NOL10: variants seen among roughly 807,000 people sequenced by gnomAD.
The protein encoded by NOL10 is nucleolar protein 10, also known as H_NH0074G24.1.
In NOL10, 58 loss-of-function variants were observed where a neutral mutation model predicts 103.5. That is an observed-to-expected ratio of 0.56 (90% confidence interval 0.45 to 0.70). The LOEUF (loss-of-function observed/expected upper bound fraction) is 0.70, where lower values mean the gene tolerates loss of function less well. Among genes scored for constraint, NOL10 ranks in the 30% least tolerant of loss-of-function variants. NOL10 has a pLI of 0.00. For missense variants in NOL10, 763 were observed against 807.3 expected (o/e 0.95, Z 0.67); for synonymous variants, 287 against 282.5 (o/e 1.02, Z -0.16).
At chr2:10,662,295 A>G (rs933280332) in intron 9 of NOL10, among the ~76,000 whole-genome samples, 25 of 152,196 alleles carry the variant, frequency 1.6e-4, no homozygotes, top group Non-Finnish European at 3.5e-4. Flanking sequence ...TTTAATCAAT[A>G]TCCTCAGGCT....
chr2:10,631,264 A>G (rs979595245), intron 13 of NOL10, among the ~76,000 whole-genome samples: 3 of 152,210 alleles, frequency 2.0e-5, no homozygotes, highest in African/African-American at 7.2e-5. Context: ...AGCTGGACCA[A>G]TCGTGGTCCT....
chr2:10,630,740 C>A (rs980742081), intron 13 of NOL10, among the ~76,000 whole-genome samples: 1 of 151,942 alleles, frequency 6.6e-6, no homozygotes, highest in South Asian at 2.1e-4. Context: ...AAAAAAAACC[C>A]AAAAACTTGC....
intron 13 of NOL10, among the ~76,000 whole-genome samples, chr2:10,644,119 G>A (rs971103323): frequency 7.2e-5 from 11 of 152,022 alleles, no homozygotes; most frequent in African/African-American, 1.7e-4. Flanking sequence ...GTGTGGTAGC[G>A]TACACCTGTA....
intron 13 of NOL10, among the ~76,000 whole-genome samples, chr2:10,607,972 T>C (rs532363407): frequency 6.6e-6 from 1 of 152,104 alleles, no homozygotes; most frequent in South Asian, 2.1e-4. Context: ...AAACTACAAT[T>C]CTAGACTATA....
chr2:10,687,825 T>C (rs1558363107), intron 1 of NOL10, among the ~76,000 whole-genome samples: 2 of 152,148 alleles, frequency 1.3e-5, no homozygotes, highest in Admixed American at 6.5e-5. Flanking sequence ...TGGTGGCACG[T>C]GCCTGTAGTC....
intron 17 of NOL10, chr2:10,591,011 G>A (rs745532238): frequency 6.6e-6 from 1 of 152,168 alleles, no homozygotes; most frequent in African/African-American, 2.4e-5. Context: ...CAAGATTGCA[G>A]GCAGTTGAGT....
At chr2:10,676,013 C>G in intron 3 of NOL10, 142 bp from the exon 4 acceptor site, 2 of 453,594 alleles carry the variant, frequency 4.4e-6, no homozygotes, top group Non-Finnish European at 7.9e-6. Context: ...AAAGCAGCCC[C>G]TCTCAAACAC....
chr2:10,671,752 C>A lies in NOL10; in HGVS notation c.328-62G>T, dbSNP rs530544328. Reference sequence around the variant, plus strand: ...TCTAGTTAGGTGTTTACTTCATTATCGCTAAAAAACTGGCAAACCAAGGAA... The same window carrying A: ...TCTAGTTAGGTGTTTACTTCATTATAGCTAAAAAACTGGCAAACCAAGGAA... On this transcript the variant is annotated intron_variant, in intron 5 of 20. Transcript: ENST00000381685. 134 of 1,306,596 alleles carry A rather than the reference C, an allele frequency of 1.0e-4. 1 individual carries two copies. The African/African-American group carries it at 1.8e-3, about 17-fold the overall frequency. 80.9% of individuals were successfully genotyped at this position (1,306,596 alleles called of 1,614,324 possible).
intron 16 of NOL10, among the ~76,000 whole-genome samples, chr2:10,601,597 A>G (rs1389065218): frequency 1.3e-5 from 2 of 152,132 alleles, no homozygotes; most frequent in East Asian, 3.9e-4. Context: ...GGCTCACTTT[A>G]GCCCTGAAGT....
In NOL10 at chr2:10,667,286, A is replaced by G. The variant is rs1336358515; in HGVS notation, c.531-8T>C. On this transcript the variant is annotated splice_region_variant and splice_polypyrimidine_tract_variant and intron_variant, in intron 7 of 20. Coordinates refer to ENST00000381685, the MANE Select transcript of NOL10 (RefSeq NM_024894.4). The stretch of plus-strand genomic sequence containing the variant: ...TCACAAACATTATTCTCCCTAACAC[A>G]GGAAAGCAGTAAGAAAGAATGAATT... 1.3e-6 allele frequency: 2 copies of G among 1,571,320 alleles called. No individual in the cohort carries two copies. The highest frequency in any genetic ancestry group is 1.7e-6 in the Non-Finnish European group (2 of 1,155,502).
chr2:10,578,964 C>A (rs1398500262), intron 19 of NOL10, among the ~76,000 whole-genome samples: 1 of 152,132 alleles, frequency 6.6e-6, no homozygotes, highest in Admixed American at 6.6e-5. Flanking sequence ...GGCTAAGAAA[C>A]CTGACTGAAG....
intron 13 of NOL10, among the ~76,000 whole-genome samples, chr2:10,619,136 T>G (rs1676989819): frequency 6.6e-6 from 1 of 152,152 alleles, no homozygotes; most frequent in South Asian, 2.1e-4. Flanking sequence ...GTAGTATGTA[T>G]GTAGGTATGT....
intron 13 of NOL10, chr2:10,622,183 G>T (rs1196634058): frequency 2.1e-6 from 1 of 470,906 alleles, no homozygotes; most frequent in African/African-American, 2.0e-5. Flanking sequence ...AGTTAACACA[G>T]GAAACTATGT....
chr2:10,588,612 T>C (rs1195413870), intron 19 of NOL10, among the ~76,000 whole-genome samples: 3 of 152,098 alleles, frequency 2.0e-5, no homozygotes, highest in East Asian at 1.9e-4. Context: ...GCAACCACTG[T>C]CCAAAAGGCT....
At chr2:10,585,686 A>G (rs1318723152) in intron 19 of NOL10, among the ~76,000 whole-genome samples, 1 of 152,188 alleles carries the variant, frequency 6.6e-6, no homozygotes, top group Non-Finnish European at 1.5e-5. Flanking sequence ...AAATCCATGG[A>G]TGCTCAAGTT....
intron 13 of NOL10, among the ~76,000 whole-genome samples, chr2:10,638,681 C>T (rs1157195937): frequency 6.7e-6 from 1 of 149,788 alleles, no homozygotes; most frequent in Admixed American, 6.7e-5. Context: ...TTAGTAGAGA[C>T]GGGATTTCAC....
chr2:10,589,650 T>G lies in NOL10; in HGVS notation c.1524A>C (p.Pro508=), dbSNP rs201823737. 2 of 1,591,644 alleles carry G rather than the reference T, an allele frequency of 1.3e-6. No homozygotes were observed. Among genetic ancestry groups the G allele is most frequent in the East Asian group, 2.2e-5 (1 of 44,582 alleles). The change falls in exon 18 of 21, where the codon CCA becomes CCC. Residue 508 remains proline (P), a synonymous_variant. Coordinates refer to ENST00000381685, the MANE Select transcript of NOL10 (RefSeq NM_024894.4). The part of the protein sequence containing the change: ...EESEEFRLLN[P]LVSKISEKRK... Reference sequence around the variant, plus strand: ...TTTTTTCACTAATTTTTGAAACAAGTGGATTCAGAAGCCTAAATTCTTCAC... The same window carrying G: ...TTTTTTCACTAATTTTTGAAACAAGGGGATTCAGAAGCCTAAATTCTTCAC...
At chr2:10,676,868 C>T (rs1161260222) in intron 3 of NOL10, among the ~76,000 whole-genome samples, 1 of 148,866 alleles carries the variant, frequency 6.7e-6, no homozygotes, top group Admixed American at 6.7e-5. Context: ...GAACTCCTGA[C>T]CTCAGGTGAT....
intron 9 of NOL10, among the ~76,000 whole-genome samples, chr2:10,660,054 G>A (rs1055160946): frequency 2.0e-5 from 3 of 151,980 alleles, no homozygotes; most frequent in Non-Finnish European, 4.4e-5. Flanking sequence ...AGTGCTAGGC[G>A]ATGAGTCAGA....
Sources: gnomAD v4.1 joint callset for allele counts (sites outside exome capture counted in the v4.1 genomes callset) on GRCh38, gnomAD v4.1.1 for gene constraint, MANE v1.5 for transcripts, NCBI Gene and HGNC (gene_info 2026-07-23, HGNC 2026-07-21) for gene names.